Variants in PTPRD observed in about 807,000 individuals in gnomAD.
PTPRD encodes the protein protein tyrosine phosphatase receptor type D.
Under a neutral mutation model 214.5 loss-of-function variants are expected in PTPRD, and 34 were observed. The observed-to-expected ratio is 0.16, with a 90% CI of 0.12 to 0.21. The LOEUF is 0.21. PTPRD is among the 10% of genes least tolerant of loss of function. The pLI is 1.00. For synonymous variants in PTPRD, 1,128 were observed against 845.7 expected, an observed-to-expected ratio of 1.33 and a Z score of -5.79; for missense variants, 2,545 against 2,398.7, an observed-to-expected ratio of 1.06 and a Z score of -1.27.
intron 8 of PTPRD, among the ~76,000 whole-genome samples, chr9:9,467,828 C>T (rs1332209): frequency 0.51 from 77,412 of 151,684 alleles, 19,809 homozygotes; most frequent in East Asian, 0.67. Context: ...ACACAAATAT[C>T]AAACCACTTA....
At position 10,088,882 on chromosome 9, in the gene PTPRD, T is replaced by C. The variant is rs76327563; in HGVS notation, c.-544-55092A>G. 2.7e-4 allele frequency among the ~76,000 whole-genome samples: 41 copies of C among 151,694 alleles called. No homozygotes were observed. In the East Asian group the frequency reaches 7.6e-3, roughly 28 times the overall value. Reference sequence around the variant, plus strand: ...AAAAATTCTGGAATTTTTGGGGTGATGGAAATATTCTGGTGGTGATGGCTG... The same window carrying C: ...AAAAATTCTGGAATTTTTGGGGTGACGGAAATATTCTGGTGGTGATGGCTG... On this transcript the variant is annotated intron_variant, in intron 3 of 45. Coordinates refer to ENST00000381196, the MANE Select transcript of PTPRD (RefSeq NM_002839.4).
intron 2 of PTPRD, among the ~76,000 whole-genome samples, chr9:10,516,915 C>G (rs889884285): frequency 2.5e-4 from 38 of 151,830 alleles, no homozygotes; most frequent in African/African-American, 8.5e-4. Flanking sequence ...ATTTGCTATT[C>G]TATTTCATTG....
intron 6 of PTPRD, among the ~76,000 whole-genome samples, chr9:9,741,529 A>T (rs145573434): frequency 7.2e-4 from 109 of 152,276 alleles, no homozygotes; most frequent in African/African-American, 2.5e-3. Context: ...ATAGGTATAC[A>T]TGTGCCATGG....
intron 7 of PTPRD, among the ~76,000 whole-genome samples, chr9:9,711,608 G>A (rs2097731446): frequency 6.6e-6 from 1 of 152,080 alleles, no homozygotes; most frequent in African/African-American, 2.4e-5. Context: ...CTTTATTCCA[G>A]TGGTTCTCAA....
intron 7 of PTPRD, among the ~76,000 whole-genome samples, chr9:9,594,160 G>C (rs993449292): frequency 1.3e-5 from 2 of 152,010 alleles, no homozygotes; most frequent in Non-Finnish European, 2.9e-5. Flanking sequence ...TAAAAAATAA[G>C]CATTATAAGA....
chr9:8,404,431 C>T (rs1042783293), intron 36 of PTPRD, 106 bp downstream of exon 36: 9 of 1,436,394 alleles, frequency 6.3e-6, no homozygotes, highest in Non-Finnish European at 8.4e-6. Context: ...GCACAGCCAT[C>T]TTAATTACTT....
At chr9:10,236,247 C>T (rs2099628395) in intron 3 of PTPRD, among the ~76,000 whole-genome samples, 1 of 151,864 alleles carries the variant, frequency 6.6e-6, no homozygotes, top group Admixed American at 6.6e-5. Flanking sequence ...AAGTTTGATA[C>T]AGATTTAATT....
chr9:8,808,219 A>C (rs778252103), intron 11 of PTPRD, among the ~76,000 whole-genome samples: 2 of 152,158 alleles, frequency 1.3e-5, no homozygotes, highest in African/African-American at 2.4e-5. Context: ...ATACCACTGG[A>C]ATAGAGGTTT....
intron 7 of PTPRD, among the ~76,000 whole-genome samples, chr9:9,656,361 G>C (rs1246560947): frequency 6.6e-6 from 1 of 152,134 alleles, no homozygotes; most frequent in East Asian, 1.9e-4. Flanking sequence ...GAAACTCCAA[G>C]ATGTCCTTCA....
At chr9:9,025,712 A>C (rs1315872631) in intron 10 of PTPRD, among the ~76,000 whole-genome samples, 3 of 152,030 alleles carry the variant, frequency 2.0e-5, no homozygotes, top group African/African-American at 7.2e-5. Context: ...AGCTTTGAGG[A>C]CATATTAATA....
intron 3 of PTPRD, among the ~76,000 whole-genome samples, chr9:10,087,570 T>A (rs1184649035): frequency 6.6e-6 from 1 of 151,650 alleles, no homozygotes; most frequent in Non-Finnish European, 1.5e-5. Context: ...CTGGTAACAC[T>A]AAGAGACTAA....
intron 11 of PTPRD, among the ~76,000 whole-genome samples, chr9:8,914,609 C>G (rs1212619136): frequency 6.6e-6 from 1 of 152,050 alleles, no homozygotes; most frequent in African/African-American, 2.4e-5. Flanking sequence ...CATATTTGAA[C>G]AAATATGTGT....
intron 2 of PTPRD, among the ~76,000 whole-genome samples, chr9:10,394,795 C>T (rs1329163169): frequency 6.7e-6 from 1 of 149,732 alleles, no homozygotes; most frequent in Non-Finnish European, 1.5e-5. Flanking sequence ...GAATAAACGT[C>T]AATATAAACT....
intron 5 of PTPRD, among the ~76,000 whole-genome samples, chr9:9,819,566 A>C (rs79361972): frequency 0.11 from 16,326 of 152,118 alleles, 2,345 homozygotes; most frequent in East Asian, 0.74. Context: ...TTACCTGTGT[A>C]CGTTGTGTGA....
chr9:10,366,621 TTTATAA>T (rs2097522533), intron 2 of PTPRD, among the ~76,000 whole-genome samples: 1 of 152,222 alleles, frequency 6.6e-6, no homozygotes, highest in Non-Finnish European at 1.5e-5. Context: ...TTTTGCTATT[TTTATAA>T]TTATAATCAT....
At chr9:8,481,689 C>T (rs73640919) in intron 30 of PTPRD, among the ~76,000 whole-genome samples, 2 of 152,124 alleles carry the variant, frequency 1.3e-5, no homozygotes, top group Non-Finnish European at 2.9e-5. Flanking sequence ...TTTTGCTTCA[C>T]ATTTTCCCCT....
chr9:8,745,744 C>T (rs7022836), intron 11 of PTPRD, among the ~76,000 whole-genome samples: 10,774 of 151,818 alleles, frequency 0.071, 1,018 homozygotes, highest in African/African-American at 0.22. Flanking sequence ...TTAAGGTATA[C>T]CTATTTTGCA....
chr9:9,234,947 T>C (rs1243435501), intron 9 of PTPRD, among the ~76,000 whole-genome samples: 1 of 152,230 alleles, frequency 6.6e-6, no homozygotes, highest in African/African-American at 2.4e-5. Context: ...CATTTTTGCG[T>C]ATCTTTACAG....
At chr9:9,722,609 G>C (rs372887034) in intron 7 of PTPRD, among the ~76,000 whole-genome samples, 14 of 152,068 alleles carry the variant, frequency 9.2e-5, no homozygotes, top group African/African-American at 3.4e-4. Flanking sequence ...AAGTCACGTA[G>C]TAATGCTGTG....
Sources: gnomAD v4.1 joint callset for allele counts (sites outside exome capture counted in the v4.1 genomes callset) on GRCh38, gnomAD v4.1.1 for gene constraint, MANE v1.5 for transcripts, NCBI Gene and HGNC (gene_info 2026-07-23, HGNC 2026-07-21) for gene names.